TRHDE: variants seen among roughly 807,000 people sequenced by gnomAD.
The protein encoded by TRHDE is thyrotropin-releasing hormone-degrading ectoenzyme.
In TRHDE, 72 loss-of-function variants were observed where a neutral mutation model predicts 125.7. That is an observed-to-expected ratio of 0.57 (90% CI 0.47 to 0.70). TRHDE has a LOEUF of 0.70. Ranked by LOEUF, TRHDE falls within the 30% of genes least tolerant of loss-of-function variation. The probability of loss-of-function intolerance (pLI) is 0.00; values close to 1 mark genes in which losing one functional copy is unlikely to be tolerated. For missense variants in TRHDE, 1,110 were observed against 1,327.1 expected, an observed-to-expected ratio of 0.84 and a Z score of 2.54; for synonymous variants, 509 against 509.1, an observed-to-expected ratio of 1.00 and a Z score of 0.00.
At chr12:72,612,535 T>G (rs951431463) in intron 12 of TRHDE, among the ~76,000 whole-genome samples, 1 of 152,156 alleles carries the variant, frequency 6.6e-6, no homozygotes, top group Non-Finnish European at 1.5e-5. Flanking sequence ...CTGCTACTCA[T>G]TAGCCATGTG....
chr12:72,603,971 T>C (rs1217507558), intron 12 of TRHDE, among the ~76,000 whole-genome samples: 4 of 152,164 alleles, frequency 2.6e-5, no homozygotes, highest in Admixed American at 2.6e-4. Flanking sequence ...ATACAAAGTA[T>C]TGTATGTAAT....
intron 2 of TRHDE, among the ~76,000 whole-genome samples, chr12:72,205,859 T>C (rs1002016376): frequency 2.6e-5 from 4 of 152,192 alleles, no homozygotes; most frequent in Admixed American, 6.5e-5. Flanking sequence ...TGCTTTTGAG[T>C]ATATACCCAG....
At chr12:72,540,017 A>T (rs532887650) in intron 6 of TRHDE, among the ~76,000 whole-genome samples, 1 of 151,830 alleles carries the variant, frequency 6.6e-6, no homozygotes, top group Admixed American at 6.6e-5. Context: ...GAGTTTTCTT[A>T]AAAAAAGTTT....
chr12:72,471,126 C>T (rs1036877801), intron 4 of TRHDE, among the ~76,000 whole-genome samples: 2 of 152,040 alleles, frequency 1.3e-5, no homozygotes, highest in South Asian at 2.1e-4. Context: ...GATCCACCCC[C>T]CTCGACCTCC....
At chr12:72,551,576 A>C (rs994538366) in intron 7 of TRHDE, among the ~76,000 whole-genome samples, 3 of 151,960 alleles carry the variant, frequency 2.0e-5, no homozygotes, top group Non-Finnish European at 4.4e-5. Context: ...CACATACCCC[A>C]CCATTTGACA....
chr12:72,470,310 A>C (rs760982102), intron 4 of TRHDE, among the ~76,000 whole-genome samples: 1 of 152,176 alleles, frequency 6.6e-6, no homozygotes, highest in African/African-American at 2.4e-5. Context: ...ATGTGTCAAA[A>C]TTTGCTTTGA....
At chr12:72,238,868 T>C (rs1425903593) in intron 2 of TRHDE, among the ~76,000 whole-genome samples, 2 of 152,186 alleles carry the variant, frequency 1.3e-5, no homozygotes, top group African/African-American at 4.8e-5. Context: ...GCATGTGTCT[T>C]TACAGGAGAA....
chr12:72,538,790 A>G (rs1352380364), intron 6 of TRHDE, among the ~76,000 whole-genome samples: 1 of 151,870 alleles, frequency 6.6e-6, no homozygotes, highest in East Asian at 1.9e-4. Flanking sequence ...TCTTAAACCT[A>G]TCTCTGATTT....
chr12:72,619,625 C>T (rs1252424504), intron 13 of TRHDE, among the ~76,000 whole-genome samples: 1 of 152,070 alleles, frequency 6.6e-6, no homozygotes, highest in Non-Finnish European at 1.5e-5. Context: ...ACCTAGTAAA[C>T]CAAAATTACA....
chr12:72,316,829 G>T (rs1868826337), intron 2 of TRHDE, among the ~76,000 whole-genome samples: 1 of 152,140 alleles, frequency 6.6e-6, no homozygotes, highest in Admixed American at 6.5e-5. Flanking sequence ...TGGAATTATT[G>T]TTCAGAGAAA....
chr12:72,647,351 T>C (rs1227480592), intron 15 of TRHDE, among the ~76,000 whole-genome samples: 1 of 151,944 alleles, frequency 6.6e-6, no homozygotes, highest in East Asian at 1.9e-4. Flanking sequence ...AAGTTTATTG[T>C]GATAAATACC....
At chr12:72,604,945 C>T (rs767448291) in intron 12 of TRHDE, among the ~76,000 whole-genome samples, 35 of 152,094 alleles carry the variant, frequency 2.3e-4, no homozygotes, top group Non-Finnish European at 4.3e-4. Context: ...ACTTTTTCTA[C>T]GTTTTATTTG....
At chr12:72,206,138 G>A (rs1026369424) in intron 2 of TRHDE, among the ~76,000 whole-genome samples, 1 of 150,026 alleles carries the variant, frequency 6.7e-6, no homozygotes, top group African/African-American at 2.5e-5. Context: ...GCAGGCTGGA[G>A]TGCAATGGTG....
At chr12:72,560,664 A>C (rs1870134290) in intron 7 of TRHDE, 1 of 151,946 alleles carries the variant, frequency 6.6e-6, no homozygotes, top group South Asian at 2.1e-4. Flanking sequence ...GCTACAAAAA[A>C]TTAAAAAAAA....
intron 3 of TRHDE, among the ~76,000 whole-genome samples, chr12:72,432,929 G>A (rs1005778187): frequency 6.6e-6 from 1 of 152,056 alleles, no homozygotes; most frequent in African/African-American, 2.4e-5. Flanking sequence ...TTACCATTAG[G>A]TATATTGATA....
intron 2 of TRHDE, among the ~76,000 whole-genome samples, chr12:72,215,805 C>T (rs564147589): frequency 1.3e-5 from 2 of 152,028 alleles, no homozygotes; most frequent in East Asian, 1.9e-4. Flanking sequence ...GGGTGGTTGG[C>T]GCTCAGAAAT....
chr12:72,354,857 C>A (rs1265173437), intron 2 of TRHDE, among the ~76,000 whole-genome samples: 2 of 151,316 alleles, frequency 1.3e-5, no homozygotes. Flanking sequence ...CAAATACATT[C>A]TTTGCCCAGA....
At chr12:72,098,179 A>G (rs1874980800) in intron 1 of TRHDE, among the ~76,000 whole-genome samples, 2 of 152,180 alleles carry the variant, frequency 1.3e-5, no homozygotes, top group African/African-American at 4.8e-5. Flanking sequence ...CACTGTGCTC[A>G]GCCTACATTA....
chr12:72,099,994 TA>T (rs1259522284), intron 1 of TRHDE, among the ~76,000 whole-genome samples: 1 of 152,208 alleles, frequency 6.6e-6, no homozygotes, highest in African/African-American at 2.4e-5. Context: ...TGAATGAGCT[TA>T]TATTTACTGA....
Sources: gnomAD v4.1 joint callset for allele counts (sites outside exome capture counted in the v4.1 genomes callset) on GRCh38, gnomAD v4.1.1 for gene constraint, MANE v1.5 for transcripts, NCBI Gene and HGNC (gene_info 2026-07-23, HGNC 2026-07-21) for gene names.